ACVR1: variants seen among roughly 807,000 people sequenced by gnomAD.
ACVR1 encodes activin A receptor type 1.
A neutral mutation model predicts 57.1 loss-of-function variants in ACVR1; 38 were observed. The ratio of observed to expected loss-of-function variants is 0.67; its 90% confidence interval spans 0.51 to 0.87. The LOEUF (loss-of-function observed/expected upper bound fraction) is 0.87. Ranked by LOEUF, ACVR1 falls within the 40% of genes least tolerant of loss-of-function variation. The pLI is 0.00. For synonymous variants in ACVR1, 212 were observed against 228.1 expected, an observed-to-expected ratio of 0.93 and a Z score of 0.63; for missense variants, 463 against 638.2, an observed-to-expected ratio of 0.73 and a Z score of 2.96.
At chr2:157,750,029 G>A (rs959711103) in intron 9 of ACVR1, among the ~76,000 whole-genome samples, 11 of 152,134 alleles carry the variant, frequency 7.2e-5, no homozygotes, top group Admixed American at 2.0e-4. Flanking sequence ...GGATGAGCCC[G>A]CCCAGCCTGC....
intron 9 of ACVR1, among the ~76,000 whole-genome samples, chr2:157,741,042 T>C (rs1325136627): frequency 1.3e-5 from 2 of 152,204 alleles, no homozygotes; most frequent in African/African-American, 2.4e-5. Flanking sequence ...ATTACTGCTA[T>C]GGTAGGATGC....
intron 5 of ACVR1, among the ~76,000 whole-genome samples, chr2:157,775,715 C>A (rs1686256655): frequency 6.6e-6 from 1 of 152,196 alleles, no homozygotes; most frequent in African/African-American, 2.4e-5. Context: ...CTTATTCATT[C>A]ATTCTTTTTC....
At chr2:157,777,308 G>A (rs1225687114) in intron 5 of ACVR1, among the ~76,000 whole-genome samples, 1 of 152,150 alleles carries the variant, frequency 6.6e-6, no homozygotes, top group Non-Finnish European at 1.5e-5. Context: ...TTAATCACTA[G>A]CCACACATTG....
chr2:157,769,164 G>A (rs933032782), intron 7 of ACVR1, among the ~76,000 whole-genome samples: 3 of 152,202 alleles, frequency 2.0e-5, no homozygotes, highest in Non-Finnish European at 2.9e-5. Context: ...TGTTTGTGGC[G>A]ATCTCAAGGA....
intron 3 of ACVR1, among the ~76,000 whole-genome samples, chr2:157,793,135 G>A (rs1686982241): frequency 6.6e-6 from 1 of 152,136 alleles, no homozygotes; most frequent in African/African-American, 2.4e-5. Context: ...CCATAAAGAG[G>A]AGATGGCATT....
chr2:157,758,398 C>T (rs920707432), intron 9 of ACVR1, among the ~76,000 whole-genome samples: 1 of 151,932 alleles, frequency 6.6e-6, no homozygotes, highest in African/African-American at 2.4e-5. Flanking sequence ...CCCACAAATA[C>T]TGTATTTTTG....
intron 1 of ACVR1, among the ~76,000 whole-genome samples, chr2:157,826,175 G>C (rs1170715756): frequency 6.6e-6 from 1 of 152,162 alleles, no homozygotes; most frequent in African/African-American, 2.4e-5. Flanking sequence ...GTTTTCTAAT[G>C]GAGTGTCTGG....
intron 8 of ACVR1, among the ~76,000 whole-genome samples, chr2:157,764,302 C>T (rs1685777648): frequency 6.6e-6 from 1 of 151,990 alleles, no homozygotes; most frequent in Non-Finnish European, 1.5e-5. Flanking sequence ...GCTGCCTCAG[C>T]CTCCCCAGTA....
chr2:157,842,441 T>C (rs113419359), intron 1 of ACVR1, among the ~76,000 whole-genome samples: 43 of 152,318 alleles, frequency 2.8e-4, no homozygotes, highest in African/African-American at 1.0e-3. Flanking sequence ...CAGGCACTGA[T>C]TTAGGCACTG....
intron 1 of ACVR1, among the ~76,000 whole-genome samples, chr2:157,855,659 T>C (rs1302587645): frequency 1.3e-5 from 2 of 151,914 alleles, no homozygotes; most frequent in Non-Finnish European, 2.9e-5. Context: ...ACACCGTGAG[T>C]GGTCTTGAGG....
Position 157,790,886 on chromosome 2 carries a change from G to A in ACVR1, c.67+8541C>T, listed in dbSNP as rs543209534. 5.9e-5 allele frequency among the ~76,000 whole-genome samples: 9 copies of A among 152,274 alleles called. No homozygotes were observed. In the South Asian group the frequency reaches 1.7e-3, roughly 28 times the overall value. ...GTTCTCCATTGCCTTCAGGATAGAA[G>A]ACAAACACCTTAGCATAAGGCTCTG... On this transcript the variant is annotated intron_variant, in intron 3 of 10. Transcript: ENST00000434821.
intron 1 of ACVR1, among the ~76,000 whole-genome samples, chr2:157,858,543 C>G (rs1174100707): frequency 6.6e-6 from 1 of 152,194 alleles, no homozygotes; most frequent in African/African-American, 2.4e-5. Flanking sequence ...GCAACCTTGG[C>G]TCACTGCAAC....
chr2:157,771,440 G>A (rs1310630490), intron 6 of ACVR1, among the ~76,000 whole-genome samples: 3 of 152,190 alleles, frequency 2.0e-5, no homozygotes, highest in Non-Finnish European at 4.4e-5. Context: ...GGGTGATCAG[G>A]GAGGTTGGAG....
chr2:157,773,276 A>T (rs1146034), intron 6 of ACVR1, among the ~76,000 whole-genome samples: 141,911 of 152,286 alleles, frequency 0.93, 66,722 homozygotes, highest in Non-Finnish European at 0.99. Context: ...ACCATCTTCC[A>T]AGAGAGCCAA....
chr2:157,743,270 C>T (rs1480058350), intron 9 of ACVR1, among the ~76,000 whole-genome samples: 2 of 152,084 alleles, frequency 1.3e-5, no homozygotes, highest in East Asian at 1.9e-4. Context: ...GAAGACTGTC[C>T]CATCCTGCTA....
At chr2:157,763,527 T>C (rs1685742989) in intron 8 of ACVR1, among the ~76,000 whole-genome samples, 1 of 152,110 alleles carries the variant, frequency 6.6e-6, no homozygotes, top group African/African-American at 2.4e-5. Flanking sequence ...AAGATCAGCC[T>C]GAGCAACATA....
chr2:157,858,725 C>T (rs917528482), intron 1 of ACVR1, among the ~76,000 whole-genome samples: 11 of 152,078 alleles, frequency 7.2e-5, no homozygotes, highest in South Asian at 4.2e-4. Context: ...CCAGGTGATC[C>T]GCCAGCCTCA....
At chr2:157,772,886 C>T (rs536490728) in intron 6 of ACVR1, among the ~76,000 whole-genome samples, 2 of 152,300 alleles carry the variant, frequency 1.3e-5, no homozygotes, top group East Asian at 1.9e-4. Context: ...ACCAAGCTCC[C>T]GCTGGTTACT....
rs569598910 is a variant in ACVR1 at position 157,805,053 on chromosome 2, A to G, written c.-7-5553T>C. On this transcript the variant is annotated intron_variant, in intron 2 of 10. Coordinates refer to ENST00000434821, the MANE Select transcript of ACVR1 (RefSeq NM_001111067.4). Reference sequence around the variant, plus strand: ...TATTGGTCACAGAATAACTGAGAATATAATACACTTCTATATGCAACTTTC... The same window carrying G: ...TATTGGTCACAGAATAACTGAGAATGTAATACACTTCTATATGCAACTTTC... Among the ~76,000 whole-genome samples the G allele has an allele frequency of 7.9e-5, 12 of 152,340 alleles. No individual in the cohort carries two copies. The South Asian group carries it at 2.5e-3, about 32-fold the overall frequency.
Sources: allele counts gnomAD v4.1 joint callset (sites outside exome capture counted in the v4.1 genomes callset), GRCh38; gene constraint gnomAD v4.1.1; transcripts MANE v1.5; gene names NCBI Gene and HGNC (gene_info 2026-07-23, HGNC 2026-07-21).